RNF213: variants seen among roughly 807,000 people sequenced by gnomAD.
The protein encoded by RNF213 is ring finger protein 213, also known as E3 ubiquitin-protein ligase RNF213.
In RNF213, 341 loss-of-function variants were observed where a neutral mutation model predicts 514.4. That is an observed-to-expected ratio of 0.66 (90% CI 0.61 to 0.73). The LOEUF (loss-of-function observed/expected upper bound fraction) is 0.73, where lower values mean the gene tolerates loss of function less well. RNF213 is among the 30% of genes least tolerant of loss of function. The probability of loss-of-function intolerance (pLI) is 0.00; values close to 1 mark genes in which losing one functional copy is unlikely to be tolerated. For synonymous variants in RNF213, 2,655 were observed against 2,658.2 expected (o/e 1.00, Z 0.04); for missense variants, 5,767 against 6,615.6 (o/e 0.87, Z 4.45).
Position 80,307,167 on chromosome 17 carries a change from A to G in RNF213, c.2467A>G (p.Met823Val). ...TCAGAACGTTCAGAACATTTTAGAA[A>G]TGCTGTTGCGACTCCTGGACACTTA... ...DVQNVQNILEMLLRLLDTYRD... is the reference protein window; with the variant it reads ...DVQNVQNILEVLLRLLDTYRD... The change falls in exon 13 of 68, where the codon ATG (methionine) becomes GTG (valine). Residue 823 changes from methionine to valine, a missense_variant. By Grantham distance (21) the Met-to-Val change is conservative. This residue lies in a region of RNF213 where 592 missense variants were observed against 673.9 expected (regional missense o/e 0.88). Transcript: ENST00000582970. The G allele has an allele frequency of 6.2e-7, 1 of 1,613,906 alleles. No homozygotes were observed. The highest frequency in any genetic ancestry group is 8.5e-7 in the Non-Finnish European group (1 of 1,179,928).
In RNF213 at chr17:80,287,865, C is replaced by T; in HGVS notation, c.312C>T (p.Ser104=). The change falls in exon 4 of 68, where the codon TCC becomes TCT. Residue 104 remains serine, a synonymous_variant. Transcript: ENST00000582970. ...AAAAGAAGGGGAACAAGTCCGCTTCCTCAGAGCTGGCTTCCTTGCCCCTTT... is the reference window on the plus strand; with the variant it reads ...AAAAGAAGGGGAACAAGTCCGCTTCTTCAGAGCTGGCTTCCTTGCCCCTTT... ...KKKKKGNKSA[S]SELASLPLSP... The T allele has an allele frequency of 1.9e-6, 3 of 1,601,524 alleles. No homozygotes were observed. Among genetic ancestry groups the T allele is most frequent in the Middle Eastern group, 1.7e-4 (1 of 6,052 alleles).
intron 14 of RNF213, 41 bp downstream of exon 14, chr17:80,309,212 G>A: frequency 1.2e-6 from 2 of 1,612,954 alleles, no homozygotes; most frequent in Non-Finnish European, 1.7e-6. Context: ...CCCGGGATAG[G>A]TGCGGAATTT....
Position 80,327,996 on chromosome 17 carries a change from A to G in RNF213, c.3367+7A>G. 1 of 1,537,256 alleles carries G rather than the reference A, an allele frequency of 6.5e-7. No individual in the cohort carries two copies. Among genetic ancestry groups the G allele is most frequent in the Non-Finnish European group, 8.7e-7 (1 of 1,146,896 alleles). Reference sequence around the variant, plus strand: ...CTTGACATCTGGCAACTGAGTAAGCATCGAGTCGATACGCACTTCAGGCTC... The same window carrying G: ...CTTGACATCTGGCAACTGAGTAAGCGTCGAGTCGATACGCACTTCAGGCTC... On this transcript the variant is annotated splice_region_variant and intron_variant, in intron 19 of 67. Coordinates refer to ENST00000582970, the MANE Select transcript of RNF213 (RefSeq NM_001256071.3).
At chr17:80,383,962 T>C in intron 59 of RNF213, 34 bp downstream of exon 59, 2 of 1,614,048 alleles carry the variant, frequency 1.2e-6, no homozygotes, top group Non-Finnish European at 1.7e-6. Flanking sequence ...CCTCCCTCTT[T>C]CGGTGCAGAG....
At chr17:80,275,630 C>T (rs1373016686) in intron 3 of RNF213, among the ~76,000 whole-genome samples, 1 of 152,010 alleles carries the variant, frequency 6.6e-6, no homozygotes, top group Non-Finnish European at 1.5e-5. Context: ...GGCCAGTCTA[C>T]AGAGACTGAG....
At chr17:80,331,236 A>G (rs6420491) in intron 20 of RNF213, among the ~76,000 whole-genome samples, 150,735 of 152,338 alleles carry the variant, frequency 0.99, 74,648 homozygotes, top group Middle Eastern at 1. Context: ...ACATAAAACT[A>G]CTCAGCTCTC....
intron 11 of RNF213, among the ~76,000 whole-genome samples, chr17:80,300,156 TC>T (rs1290866043): frequency 1.3e-5 from 2 of 152,210 alleles, no homozygotes; most frequent in Admixed American, 6.5e-5. Context: ...TAATTTACAC[TC>T]CCACCAACAG....
intron 8 of RNF213, 123 bp from the exon 9 acceptor site, chr17:80,294,597 T>C: frequency 1.6e-6 from 2 of 1,244,766 alleles, no homozygotes; most frequent in South Asian, 2.4e-5. Context: ...TTTCCCTTCC[T>C]CCCTTCCTCT....
Position 80,377,024 on chromosome 17 carries a change from T to C in RNF213, c.13510+61T>C, listed in dbSNP as rs2079788443. 3 of 1,337,080 alleles carry C rather than the reference T, an allele frequency of 2.2e-6. No individual in the cohort carries two copies. Among genetic ancestry groups the C allele is most frequent in the Admixed American group, 3.6e-5 (2 of 56,180 alleles). The allele number at this position is 1,337,080 out of a possible 1,614,324, so 82.8% of individuals were successfully genotyped here. A position where few individuals can be genotyped will look rare whatever the true frequency, so the allele number is the denominator to read the frequency against. ...TGAGCTTCAAAGGGTGTCCAGATGCTATGAAGCATTGGGTTCGACTTGGGG... is the reference window on the plus strand; with the variant it reads ...TGAGCTTCAAAGGGTGTCCAGATGCCATGAAGCATTGGGTTCGACTTGGGG... On this transcript the variant is annotated intron_variant, in intron 53 of 67. Coordinates refer to ENST00000582970, the MANE Select transcript of RNF213 (RefSeq NM_001256071.3). This position sits in a 1 kb window ranked among gnomAD's most constrained non-coding sequence, Gnocchi z 4.1.
intron 17 of RNF213, 119 bp downstream of exon 17, chr17:80,319,431 G>A (rs1480545575): frequency 4.3e-6 from 7 of 1,614,212 alleles, no homozygotes; most frequent in Non-Finnish European, 5.9e-6. Flanking sequence ...TCAGAGATTG[G>A]GAAGTGGGCA....
At position 80,274,232 on chromosome 17, in the gene RNF213, T is replaced by C. The variant is rs138478778; in HGVS notation, c.261+828T>C. Among the ~76,000 whole-genome samples the C allele has an allele frequency of 2.0e-3, 297 of 152,152 alleles. 1 individual carries two copies. The highest frequency in any genetic ancestry group is 6.8e-3 in the African/African-American group (283 of 41,544). On this transcript the variant is annotated intron_variant, in intron 3 of 67. Transcript: ENST00000582970. ...GCAGGTTACCCTTCTTGGAAGGGTA[T>C]GGCTGAGCCACCTTTTGGCTCCCTC...
In RNF213 at chr17:80,344,747, GT is replaced by G; in HGVS notation, c.6413del (p.Val2138GlyfsTer2). On this transcript the variant is annotated frameshift_variant, in exon 29 of 68. Transcript: ENST00000582970. LOFTEE classifies it high-confidence loss of function. ...PKVTCRPPKE[V>X]IDMELSALRS... Reference sequence around the variant, plus strand: ...AGTCACCTGCAGGCCTCCCAAAGAGGTGATAGACATGGAGCTGAGTGCCCTG... The same window carrying G: ...AGTCACCTGCAGGCCTCCCAAAGAGGGATAGACATGGAGCTGAGTGCCCTG... 2 of 1,614,218 alleles carry G rather than the reference GT, an allele frequency of 1.2e-6. No homozygotes were observed. Among genetic ancestry groups the G allele is most frequent in the Non-Finnish European group, 1.7e-6 (2 of 1,180,034 alleles).
chr17:80,375,874 A>AGTAACC lies in RNF213; in HGVS notation c.13185+6_13185+11dup, dbSNP rs1248739622. On this transcript the variant is annotated splice_donor_region_variant and intron_variant, in intron 51 of 67. Coordinates refer to ENST00000582970, the MANE Select transcript of RNF213 (RefSeq NM_001256071.3). The stretch of plus-strand genomic sequence containing the variant: ...AAGCCTCCACCCCACGCCAGAGGTG[A>AGTAACC]GTAACCGCCTGCAGGGCTGTGTTCA... 6.3e-7 allele frequency: 1 copy of AGTAACC among 1,576,610 alleles called. No homozygotes were observed. The highest frequency in any genetic ancestry group is 8.7e-7 in the Non-Finnish European group (1 of 1,145,920).
At position 80,339,360 on chromosome 17, in the gene RNF213, G is replaced by A. The variant is rs1328872136; in HGVS notation, c.4993G>A (p.Glu1665Lys). Residue 1665 changes from glutamate (E) to lysine (K), a missense_variant, in exon 26 of 68, where the codon GAA (glutamate) becomes AAA (lysine). Coordinates refer to ENST00000582970, the MANE Select transcript of RNF213 (RefSeq NM_001256071.3). ...CTTGGACCTGGTGACGGAGCTTAAA[G>A]AAGGTGGAGATGTCACTGAGCTGCT... ...FGLDLVTELK[E>K]GGDVTELLAA... is the part of the protein sequence containing the mutation. 2 of 1,537,164 alleles carry A rather than the reference G, an allele frequency of 1.3e-6. No homozygotes were observed. The highest frequency in any genetic ancestry group is 1.7e-6 in the Non-Finnish European group (2 of 1,146,926).
At chr17:80,365,818 T>A (rs34907722) in intron 42 of RNF213, among the ~76,000 whole-genome samples, 3 of 152,048 alleles carry the variant, frequency 2.0e-5, no homozygotes, top group Non-Finnish European at 4.4e-5. Flanking sequence ...TGCACAGGGC[T>A]TTCAGCCAGG....
At chr17:80,364,725 A>G in intron 42 of RNF213, 172 bp downstream of exon 42, 1 of 729,856 alleles carries the variant, frequency 1.4e-6, no homozygotes, top group South Asian at 1.7e-5. Flanking sequence ...TCCATGTTTA[A>G]TTGTTTAATT....
Position 80,383,712 on chromosome 17 carries a change from C to A in RNF213, c.14106C>A (p.Leu4702=). The change falls in exon 59 of 68, where the codon CTC becomes CTA. Residue 4702 remains leucine (L), a synonymous_variant. Transcript: ENST00000582970. The part of the protein sequence containing the change: ...LDKTLPTMNN[L]ISQDKRISSN... ...AAACCCTTCCCACCATGAATAATCT[C>A]ATCAGCCAAGATAAGCGTATCAGCT... The A allele has an allele frequency of 6.2e-7, 1 of 1,613,966 alleles. No individual in the cohort carries two copies. Among genetic ancestry groups the A allele is most frequent in the African/African-American group, 1.3e-5 (1 of 74,978 alleles).
chr17:80,313,719 G>T (rs1237860246), intron 15 of RNF213, among the ~76,000 whole-genome samples: 2 of 148,996 alleles, frequency 1.3e-5, no homozygotes, highest in Non-Finnish European at 3.0e-5. Context: ...GATGGAGGTG[G>T]TGGTGGTGGA....
intron 36 of RNF213, 184 bp downstream of exon 36, chr17:80,354,760 T>C (rs1360499888): frequency 7.2e-6 from 5 of 697,740 alleles, no homozygotes; most frequent in Non-Finnish European, 1.2e-5. Context: ...AGTGGCCAAA[T>C]GGCAGGTGCT....
Sources: allele counts gnomAD v4.1 joint callset (sites outside exome capture counted in the v4.1 genomes callset), GRCh38; gene constraint gnomAD v4.1.1; regional missense constraint gnomAD v4.1.1; non-coding constraint Gnocchi (gnomAD v3.1); transcripts MANE v1.5; gene names NCBI Gene and HGNC (gene_info 2026-07-23, HGNC 2026-07-21).